Variants in TRDMT1 observed in about 807,000 individuals in gnomAD.
TRDMT1 encodes the protein tRNA aspartic acid methyltransferase 1.
A neutral mutation model predicts 51.2 loss-of-function variants in TRDMT1; 49 were observed. That is an observed-to-expected ratio of 0.96 (90% CI 0.76 to 1.21). The LOEUF (loss-of-function observed/expected upper bound fraction) is 1.21, where lower values mean the gene tolerates loss of function less well. Among genes scored for constraint, TRDMT1 ranks in the 50% most tolerant of loss-of-function variants. TRDMT1 has a pLI of 0.00. For missense variants in TRDMT1, 534 were observed against 462.3 expected, an observed-to-expected ratio of 1.16 and a Z score of -1.42; for synonymous variants, 187 against 164.6, an observed-to-expected ratio of 1.14 and a Z score of -1.04.
intron 1 of TRDMT1, among the ~76,000 whole-genome samples, chr10:17,179,142 G>C (rs921133377): frequency 2.2e-4 from 33 of 152,148 alleles, no homozygotes; most frequent in African/African-American, 8.0e-4. Flanking sequence ...GGAGGACCTT[G>C]AGAAAGAAAA....
At chr10:17,189,273 C>T (rs1049460663) in intron 1 of TRDMT1, among the ~76,000 whole-genome samples, 1 of 152,090 alleles carries the variant, frequency 6.6e-6, no homozygotes, top group African/African-American at 2.4e-5. Flanking sequence ...ATACTGGGAT[C>T]ACAAGCGTTT....
intron 10 of TRDMT1, chr10:17,150,395 T>C: frequency 1.0e-6 from 1 of 985,410 alleles, no homozygotes; most frequent in South Asian, 4.7e-5. Flanking sequence ...CGGGTGTTTT[T>C]ACACTCTGCT....
chr10:17,141,516 G>C lies in TRDMT1; in HGVS notation c.*7524C>G, dbSNP rs1837692195. ...GGATGTTTCCAGCCATTATTTAAAT[G>C]CTCTTTCAGCTCCATTTTTTTCCCC... On this transcript the variant is annotated 3_prime_UTR_variant, in exon 11 of 11. Transcript: ENST00000377799. Among the ~76,000 whole-genome samples, 1 of 48,716 alleles carries C rather than the reference G, an allele frequency of 2.1e-5. No individual in the cohort carries two copies. The highest frequency in any genetic ancestry group is 8.4e-5 in the Non-Finnish European group (1 of 11,846). 32.0% of individuals were successfully genotyped at this position (48,716 alleles called of 152,430 possible).
chr10:17,168,721 C>T, intron 3 of TRDMT1, 120 bp downstream of exon 3: 4 of 662,916 alleles, frequency 6.0e-6, no homozygotes, highest in East Asian at 2.9e-5. Flanking sequence ...GTTTCCCTAG[C>T]CACATGGAAC....
chr10:17,185,898 C>T (rs1343218616), intron 1 of TRDMT1, among the ~76,000 whole-genome samples: 1 of 151,880 alleles, frequency 6.6e-6, no homozygotes, highest in African/African-American at 2.4e-5. Context: ...CACACCGGGG[C>T]CTGTTGTGGG....
In TRDMT1 at chr10:17,185,409, G is replaced by C. The variant is rs541046504; in HGVS notation, c.65-10749C>G. Among the ~76,000 whole-genome samples, 902 of 148,304 alleles carry C rather than the reference G, an allele frequency of 6.1e-3. 5 individuals carry two copies. The highest frequency in any genetic ancestry group is 0.021 in the African/African-American group (849 of 40,624). The stretch of plus-strand genomic sequence containing the variant: ...CAGTTAGAATGGCGATCATTAAAAA[G>C]TCAGGAAACAACAGGTGCTGGAGAG... On this transcript the variant is annotated intron_variant, in intron 1 of 10. Transcript: ENST00000377799.
intron 10 of TRDMT1, chr10:17,150,858 A>G (rs1050262484): frequency 2.0e-6 from 2 of 985,244 alleles, no homozygotes; most frequent in Non-Finnish European, 2.4e-6. Flanking sequence ...ATTTACTTCA[A>G]AGTAGCCAGA....
chr10:17,182,498 C>A (rs1301378739), intron 1 of TRDMT1, among the ~76,000 whole-genome samples: 2 of 152,290 alleles, frequency 1.3e-5, no homozygotes, highest in Admixed American at 6.5e-5. Flanking sequence ...AACTGGCAAA[C>A]AGAGCAATAT....
rs1004765973 is a variant in TRDMT1 at position 17,138,321 on chromosome 10, T to C, written c.*10719A>G. On this transcript the variant is annotated 3_prime_UTR_variant, in exon 11 of 11. Transcript: ENST00000377799. Reference sequence around the variant, plus strand: ...TTCATGACACTTAATTCATTCTCTTTTTCAGGGACGTAACATTGCTTAAAA... The same window carrying C: ...TTCATGACACTTAATTCATTCTCTTCTTCAGGGACGTAACATTGCTTAAAA... Among the ~76,000 whole-genome samples, 5 of 152,232 alleles carry C rather than the reference T, an allele frequency of 3.3e-5. No individual in the cohort carries two copies. The highest frequency in any genetic ancestry group is 1.2e-4 in the African/African-American group (5 of 41,464).
chr10:17,170,566 C>G (rs1253733036), intron 2 of TRDMT1, among the ~76,000 whole-genome samples: 1 of 152,152 alleles, frequency 6.6e-6, no homozygotes, highest in Non-Finnish European at 1.5e-5. Context: ...TATTCTTAAA[C>G]TGAATTTTCA....
Position 17,139,028 on chromosome 10 carries a change from A to G in TRDMT1, c.*10012T>C, listed in dbSNP as rs1564531510. Among the ~76,000 whole-genome samples the G allele has an allele frequency of 6.6e-6, 1 of 152,176 alleles. No homozygotes were observed. The highest frequency in any genetic ancestry group is 1.5e-5 in the Non-Finnish European group (1 of 68,032). ...GAGGAGATACTAATTGCTAGGATTA[A>G]AGGCTCCAAAAGCTAGTAAAAAAAT... On this transcript the variant is annotated 3_prime_UTR_variant, in exon 11 of 11. Transcript: ENST00000377799.
chr10:17,176,399 T>C (rs767643608), intron 1 of TRDMT1, among the ~76,000 whole-genome samples: 55 of 152,304 alleles, frequency 3.6e-4, no homozygotes, highest in Admixed American at 9.2e-4. Flanking sequence ...TAATTAATTT[T>C]ATGTTCTTGT....
Position 17,162,173 on chromosome 10 carries a change from G to C in TRDMT1, c.316C>G (p.Leu106Val). The C allele has an allele frequency of 6.2e-7, 1 of 1,605,418 alleles. No homozygotes were observed. Residue 106 changes from leucine to valine, a missense_variant, in exon 4 of 11, where the codon CTC becomes GTC. Physicochemically the swap from Leu to Val is conservative, Grantham distance 32 (BLOSUM62 1). Transcript: ENST00000377799. The stretch of plus-strand genomic sequence containing the variant: ...AGGAACCTAAGTTTTTACCTTGGGA[G>C]AATATCTAGAATATGTAAGAAGCTA... ...TNSFLHILDI[L>V]PRLQKLPKYI...
At chr10:17,149,711 T>G in intron 10 of TRDMT1, among the ~76,000 whole-genome samples, 1 of 152,160 alleles carries the variant, frequency 6.6e-6, no homozygotes. Flanking sequence ...CTGGATTATA[T>G]TTCATATAAA....
rs929906783 is a variant in TRDMT1 at position 17,141,448 on chromosome 10, C to G, written c.*7592G>C. ...GTGCTGGGATTACAGGTGTCAGCCA[C>G]CGCGCCCAGCCTCCAGCTGCTTTTA... On this transcript the variant is annotated 3_prime_UTR_variant, in exon 11 of 11. Transcript: ENST00000377799. Among the ~76,000 whole-genome samples, 1 of 152,138 alleles carries G rather than the reference C, an allele frequency of 6.6e-6. No individual in the cohort carries two copies. Among genetic ancestry groups the G allele is most frequent in the Non-Finnish European group, 1.5e-5 (1 of 68,018 alleles).
chr10:17,158,235 G>A lies in TRDMT1; in HGVS notation c.544-451C>T, dbSNP rs577122225. Among the ~76,000 whole-genome samples, 14 of 152,032 alleles carry A rather than the reference G, an allele frequency of 9.2e-5. No individual in the cohort carries two copies. In the East Asian group the frequency reaches 1.4e-3, roughly 15 times the overall value. ...AACTAGCAATTAAAAAAAGAAAAGC[G>A]GTTTTCACTGTGAAAGGTTATTTCT... On this transcript the variant is annotated intron_variant, in intron 7 of 10. Coordinates refer to ENST00000377799, the MANE Select transcript of TRDMT1 (RefSeq NM_004412.7).
In TRDMT1 at chr10:17,185,542, C is replaced by T. The variant is rs150306815; in HGVS notation, c.65-10882G>A. On this transcript the variant is annotated intron_variant, in intron 1 of 10. Coordinates refer to ENST00000377799, the MANE Select transcript of TRDMT1 (RefSeq NM_004412.7). ...CCTCAGGGATCTAGAACTAGAAATA[C>T]CATCCCATTACTGGGCATATACCCA... Among the ~76,000 whole-genome samples, 301 of 152,266 alleles carry T rather than the reference C, an allele frequency of 2.0e-3. 1 individual carries two copies. The highest frequency in any genetic ancestry group is 6.9e-3 in the African/African-American group (286 of 41,560).
At position 17,137,391 on chromosome 10, in the gene TRDMT1, T is replaced by C. The variant is rs1272404093; in HGVS notation, c.*11649A>G. 6.6e-6 allele frequency: 1 copy of C among 152,224 alleles called. No individual in the cohort carries two copies. Among genetic ancestry groups the C allele is most frequent in the African/African-American group, 2.4e-5 (1 of 41,450 alleles). The allele number at this position is 152,224 out of a possible 1,614,324, so 9.4% of individuals were successfully genotyped here. A position where few individuals can be genotyped will look rare whatever the true frequency, so the allele number is the denominator to read the frequency against. ...TCTCTGATTTACAATAAAGTCGTAA[T>C]GTACAAATCTGGAGAGCCAGAGTTA... On this transcript the variant is annotated 3_prime_UTR_variant, in exon 11 of 11. Coordinates refer to ENST00000377799, the MANE Select transcript of TRDMT1 (RefSeq NM_004412.7).
intron 1 of TRDMT1, among the ~76,000 whole-genome samples, chr10:17,184,541 T>C: frequency 6.6e-6 from 1 of 152,072 alleles, no homozygotes; most frequent in Non-Finnish European, 1.5e-5. Flanking sequence ...CTTTGCTTTA[T>C]AGTTAGCCCT....
Sources: allele counts gnomAD v4.1 joint callset (sites outside exome capture counted in the v4.1 genomes callset), GRCh38; gene constraint gnomAD v4.1.1; transcripts MANE v1.5; gene names NCBI Gene and HGNC (gene_info 2026-07-23, HGNC 2026-07-21).